PRKAG1: variants seen among roughly 807,000 people sequenced by gnomAD.
PRKAG1 encodes 5'-AMP-activated protein kinase subunit gamma-1.
In PRKAG1, 27 loss-of-function variants were observed where a neutral mutation model predicts 48.2. The ratio of observed to expected loss-of-function variants is 0.56; its 90% CI spans 0.41 to 0.77. The LOEUF is 0.77. Ranked by LOEUF, PRKAG1 falls within the 30% of genes least tolerant of loss-of-function variation. PRKAG1 has a pLI of 0.00. For synonymous variants in PRKAG1, 130 were observed against 147.7 expected, an observed-to-expected ratio of 0.88 and a Z score of 0.87; for missense variants, 287 against 398.3, an observed-to-expected ratio of 0.72 and a Z score of 2.38.
chr12:49,006,596 T>C (rs538053342), intron 2 of PRKAG1, among the ~76,000 whole-genome samples: 5 of 152,352 alleles, frequency 3.3e-5, no homozygotes, highest in Admixed American at 2.0e-4. Flanking sequence ...GTGATTTTAA[T>C]TGCTTGCTCT....
intron 7 of PRKAG1, 164 bp from the exon 8 acceptor site, chr12:49,004,797 G>T (rs1465488103): frequency 4.6e-6 from 4 of 866,062 alleles, no homozygotes; most frequent in Non-Finnish European, 6.7e-6. Flanking sequence ...GAGTGAGAAT[G>T]AGAGAGAGAG....
At chr12:49,017,200 T>C in intron 1 of PRKAG1, 1 of 455,490 alleles carries the variant, frequency 2.2e-6, no homozygotes, top group Non-Finnish European at 4.4e-6. Context: ...AGGAGTTTTC[T>C]TTCTTTTCTT....
intron 2 of PRKAG1, among the ~76,000 whole-genome samples, chr12:49,008,819 CT>C (rs1397505863): frequency 6.6e-6 from 1 of 152,048 alleles, no homozygotes; most frequent in Non-Finnish European, 1.5e-5. Context: ...TTGTATGTGA[CT>C]TTTTTTTCCT....
chr12:49,005,769 A>G lies in PRKAG1; in HGVS notation c.142T>C (p.Leu48=), dbSNP rs1432103978. The G allele has an allele frequency of 6.2e-7, 1 of 1,614,042 alleles. No homozygotes were observed. The highest frequency in any genetic ancestry group is 8.5e-7 in the Non-Finnish European group (1 of 1,179,932). Residue 48 remains leucine (L), a synonymous_variant, in exon 3 of 12, where the codon TTG becomes CTG. Transcript: ENST00000548065. This position sits in a 1 kb window ranked among gnomAD's most constrained non-coding sequence, Gnocchi z 4.1. ...TGCAGGGACGTATCAAATACAACCA[A>G]TTTGGAGCTTGTGGGAATCAGGTCA... ...CYDLIPTSSK[L]VVFDTSLQVK...
chr12:49,002,589 T>C lies in PRKAG1; in HGVS notation c.*310A>G, dbSNP rs200703666. Reference sequence around the variant, plus strand: ...AGGCAAGTGAGGTCTGGGGATCTCTTAGAGATCAGAATTTGTCTGAGAGGC... The same window carrying C: ...AGGCAAGTGAGGTCTGGGGATCTCTCAGAGATCAGAATTTGTCTGAGAGGC... On this transcript the variant is annotated 3_prime_UTR_variant, in exon 12 of 12. Coordinates refer to ENST00000548065, the MANE Select transcript of PRKAG1 (RefSeq NM_002733.5). 1 of 446,132 alleles carries C rather than the reference T, an allele frequency of 2.2e-6. No individual in the cohort carries two copies. Among genetic ancestry groups the C allele is most frequent in the Non-Finnish European group, 4.2e-6 (1 of 239,476 alleles). The allele number at this position is 446,132 out of a possible 1,614,324, so 27.6% of individuals were successfully genotyped here.
At chr12:49,017,297 A>C in intron 1 of PRKAG1, 2 of 438,684 alleles carry the variant, frequency 4.6e-6, no homozygotes, top group Admixed American at 5.1e-5. Context: ...ACCTCTTTGG[A>C]TCAAGCGATC....
chr12:49,004,063 A>T, intron 8 of PRKAG1, 141 bp from the exon 9 acceptor site: 1 of 1,168,888 alleles, frequency 8.6e-7, no homozygotes, highest in Non-Finnish European at 1.2e-6. Flanking sequence ...GCTGAGGGGG[A>T]CATATTGCTT....
In PRKAG1 at chr12:49,018,745, A is replaced by G; in HGVS notation, c.-5T>C. ...TGCACTCCTCACCGTCTCCATTGCA[A>G]GAGGCGCCCGGCTTGGTTTCCTCGC... is the stretch of plus-strand genomic sequence containing the variant. On this transcript the variant is annotated 5_prime_UTR_variant, in exon 1 of 12. Coordinates refer to ENST00000548065, the MANE Select transcript of PRKAG1 (RefSeq NM_002733.5). The G allele has an allele frequency of 6.2e-7, 1 of 1,612,984 alleles. No individual in the cohort carries two copies. The highest frequency in any genetic ancestry group is 8.5e-7 in the Non-Finnish European group (1 of 1,179,984).
At chr12:49,013,162 C>G in intron 1 of PRKAG1, 52 bp from the exon 2 acceptor site, 2 of 1,517,552 alleles carry the variant, frequency 1.3e-6, no homozygotes, top group Non-Finnish European at 1.8e-6. Context: ...TCCATTTTAG[C>G]CTAGCAACAT....
At chr12:49,007,790 C>T (rs959018803) in intron 2 of PRKAG1, among the ~76,000 whole-genome samples, 2 of 151,858 alleles carry the variant, frequency 1.3e-5, no homozygotes, top group Admixed American at 1.3e-4. Flanking sequence ...CCACCACAAA[C>T]ACGTACTTCC....
rs765393871 is a variant in PRKAG1 at position 49,013,120 on chromosome 12, T to TA, written c.10-11dup. Reference sequence around the variant, plus strand: ...TATCTGAAGAAATGACCTGGAGAGATAAGAAAACAGATTCAGCTTAACCTG... The same window carrying TA: ...TATCTGAAGAAATGACCTGGAGAGATAAAGAAAACAGATTCAGCTTAACCTG... On this transcript the variant is annotated splice_polypyrimidine_tract_variant and intron_variant, in intron 1 of 11. Coordinates refer to ENST00000548065, the MANE Select transcript of PRKAG1 (RefSeq NM_002733.5). The TA allele has an allele frequency of 1.9e-6, 3 of 1,612,262 alleles. No individual in the cohort carries two copies. The Admixed American group carries it at 5.0e-5, about 27-fold the overall frequency.
chr12:49,004,771 AAG>A (rs145803889), intron 7 of PRKAG1, 138 bp from the exon 8 acceptor site: 36,698 of 938,580 alleles, frequency 0.039, 5 homozygotes, highest in East Asian at 0.079. Context: ...CTTAAAGAGA[AAG>A]AGAGAGAGAG....
chr12:49,010,664 A>G (rs1941718465), intron 2 of PRKAG1, among the ~76,000 whole-genome samples: 1 of 152,072 alleles, frequency 6.6e-6, no homozygotes, highest in African/African-American at 2.4e-5. Context: ...ACTGCTAGTT[A>G]TAATTCAGTT....
chr12:49,018,239 A>C (rs1384336462), intron 1 of PRKAG1: 2 of 165,716 alleles, frequency 1.2e-5, no homozygotes, highest in Non-Finnish European at 1.3e-5. Context: ...TATTAAGGGA[A>C]TGTGACTTCA....
At chr12:49,003,360 C>T (rs1023735120) in intron 10 of PRKAG1, 70 bp from the exon 11 acceptor site, 1 of 1,595,260 alleles carries the variant, frequency 6.3e-7, no homozygotes, top group African/African-American at 1.3e-5. Context: ...ACCCATCCAA[C>T]CTCAACAGAG....
intron 2 of PRKAG1, among the ~76,000 whole-genome samples, chr12:49,007,696 A>ATT (rs569447907): frequency 6.8e-6 from 1 of 146,828 alleles, no homozygotes; most frequent in African/African-American, 2.5e-5. Flanking sequence ...GCTAGTTTCC[A>ATT]TTTTTTTTTT....
chr12:49,018,706 C>T, intron 1 of PRKAG1, 26 bp downstream of exon 1: 1 of 1,613,460 alleles, frequency 6.2e-7, no homozygotes, highest in Non-Finnish European at 8.5e-7. Context: ...CCACAGCGCC[C>T]CCGACCGCCC....
intron 1 of PRKAG1, among the ~76,000 whole-genome samples, chr12:49,013,967 T>A (rs866790612): frequency 3.7e-4 from 57 of 152,162 alleles, no homozygotes; most frequent in African/African-American, 1.3e-3. Context: ...TCACTGCAAC[T>A]GCCTCCTCCT....
At chr12:49,006,759 C>T (rs984120469) in intron 2 of PRKAG1, among the ~76,000 whole-genome samples, 16 of 151,878 alleles carry the variant, frequency 1.1e-4, no homozygotes, top group Middle Eastern at 3.4e-3. Flanking sequence ...CACCTGAGGT[C>T]GGGAGTTCAA....
Sources: allele counts gnomAD v4.1 joint callset (sites outside exome capture counted in the v4.1 genomes callset), GRCh38; gene constraint gnomAD v4.1.1; non-coding constraint Gnocchi (gnomAD v3.1); transcripts MANE v1.5; gene names NCBI Gene and HGNC (gene_info 2026-07-23, HGNC 2026-07-21).